The following SH3TC2 variants were observed in gnomAD, a reference collection of about 807,000 sequenced individuals.
SH3TC2 encodes SH3 domain and tetratricopeptide repeats 2, also known as SH3 domain and tetratricopeptide repeat-containing protein 2.
In SH3TC2, 87 loss-of-function variants were observed where a neutral mutation model predicts 124.5. The ratio of observed to expected loss-of-function variants is 0.70; its 90% CI spans 0.59 to 0.84. SH3TC2 has a LOEUF of 0.84. Among genes scored for constraint, SH3TC2 ranks in the 40% least tolerant of loss-of-function variants. The pLI, the probability that SH3TC2 is intolerant of heterozygous loss-of-function variation, is 0.00. For missense variants in SH3TC2, 1,536 were observed against 1,566.4 expected, an observed-to-expected ratio of 0.98 and a Z score of 0.33; for synonymous variants, 634 against 628.5, an observed-to-expected ratio of 1.01 and a Z score of -0.13.
intron 9 of SH3TC2, among the ~76,000 whole-genome samples, chr5:149,030,324 C>A (rs1444906021): frequency 1.3e-5 from 2 of 152,214 alleles, no homozygotes; most frequent in Non-Finnish European, 2.9e-5. Context: ...GCTGGGGCAG[C>A]CTGCACAACC....
In SH3TC2 at chr5:148,984,752, A is replaced by G. The variant is rs1753307393; in HGVS notation, c.*19959T>C. Among the ~76,000 whole-genome samples, 1 of 152,158 alleles carries G rather than the reference A, an allele frequency of 6.6e-6. No individual in the cohort carries two copies. The highest frequency in any genetic ancestry group is 1.5e-5 in the Non-Finnish European group (1 of 68,020). ...AAGAGCTGTGCTTGGTGCTGTAAACAAATTTGTTCCCAGTATCTGACCTAA... is the reference window on the plus strand; with the variant it reads ...AAGAGCTGTGCTTGGTGCTGTAAACGAATTTGTTCCCAGTATCTGACCTAA... On this transcript the variant is annotated 3_prime_UTR_variant, in exon 17 of 17. Transcript: ENST00000515425.
intron 13 of SH3TC2, among the ~76,000 whole-genome samples, chr5:149,011,450 G>T (rs921685643): frequency 1.3e-5 from 2 of 152,198 alleles, no homozygotes; most frequent in African/African-American, 4.8e-5. Context: ...CCCAAAAATC[G>T]CAAGGCAGAT....
At position 149,002,903 on chromosome 5, in the gene SH3TC2, C is replaced by T. The variant is rs1015163473; in HGVS notation, c.*1808G>A. On this transcript the variant is annotated 3_prime_UTR_variant, in exon 17 of 17. Coordinates refer to ENST00000515425, the MANE Select transcript of SH3TC2 (RefSeq NM_024577.4). ...ATGCACACTATCTGAGGGCTCTTGC[C>T]CTGCAGTGGTGCTTCCCATACTTTA... 1 of 152,666 alleles carries T rather than the reference C, an allele frequency of 6.6e-6. No individual in the cohort carries two copies. The highest frequency in any genetic ancestry group is 1.9e-4 in the East Asian group (1 of 5,190). The allele number at this position is 152,666 out of a possible 1,614,324, so 9.5% of individuals were successfully genotyped here.
At chr5:149,032,421 C>T (rs1431201292) in intron 8 of SH3TC2, among the ~76,000 whole-genome samples, 1 of 152,132 alleles carries the variant, frequency 6.6e-6, no homozygotes, top group East Asian at 1.9e-4. Context: ...CTAGAAGTGC[C>T]TTAGAAGCTA....
chr5:149,062,246 C>A, intron 1 of SH3TC2: 1 of 454,456 alleles, frequency 2.2e-6, no homozygotes, highest in Non-Finnish European at 4.5e-6. Context: ...CACCACTCAT[C>A]CTGATAAACA....
Position 149,010,281 on chromosome 5 carries a change from C to T in SH3TC2, c.3316G>A (p.Glu1106Lys), listed in dbSNP as rs372726642. The change falls in exon 14 of 17, where the codon GAG becomes AAG. Residue 1106 changes from glutamate (E) to lysine (K), a missense_variant. By Grantham distance (56) the Glu-to-Lys change is moderately conservative. Transcript: ENST00000515425. ...CAGCTTGGACTTACTCGGTAGTACT[C>T]CACTGCATGATGCCTGTGGCGGGTC... Reference protein sequence around the residue: ...NGTRHRHHAVEYYRAGAVPLA... With the variant: ...NGTRHRHHAVKYYRAGAVPLA... 6.2e-7 allele frequency: 1 copy of T among 1,614,224 alleles called. No homozygotes were observed.
intron 13 of SH3TC2, among the ~76,000 whole-genome samples, chr5:149,011,793 C>T (rs941114779): frequency 3.9e-5 from 6 of 151,928 alleles, no homozygotes; most frequent in Non-Finnish European, 5.9e-5. Flanking sequence ...AGAAAAAAAC[C>T]GGTATATTTT....
Position 149,012,722 on chromosome 5 carries a change from C to A in SH3TC2, c.3066G>T (p.Arg1022Ser). Reference protein sequence around the residue: ...RNLNTARSLRRSLTCIKESLR... With the variant: ...RNLNTARSLRSSLTCIKESLR... ...GGCTCTCCTTGATGCATGTGAGTGA[C>A]CTCCTGAGGGACCTGGGGACAGACA... The change falls in exon 13 of 17, where the codon AGG becomes AGT. Residue 1022 changes from arginine (R) to serine (S), a missense_variant. Arg to Ser is a moderately radical substitution (Grantham distance 110). Coordinates refer to ENST00000515425, the MANE Select transcript of SH3TC2 (RefSeq NM_024577.4). 1 of 1,614,138 alleles carries A rather than the reference C, an allele frequency of 6.2e-7. No homozygotes were observed. Among genetic ancestry groups the A allele is most frequent in the Non-Finnish European group, 8.5e-7 (1 of 1,180,026 alleles).
At chr5:149,046,872 G>A (rs1754472343) in intron 3 of SH3TC2, 1 of 152,068 alleles carries the variant, frequency 6.6e-6, no homozygotes, top group Non-Finnish European at 1.5e-5. Flanking sequence ...ACTGTTTATG[G>A]AACACATATC....
chr5:148,993,091 G>T lies in SH3TC2; in HGVS notation c.*11620C>A, dbSNP rs1223684909. Among the ~76,000 whole-genome samples, 10 of 152,094 alleles carry T rather than the reference G, an allele frequency of 6.6e-5. No homozygotes were observed. The highest frequency in any genetic ancestry group is 6.5e-4 in the Admixed American group (10 of 15,268). On this transcript the variant is annotated 3_prime_UTR_variant, in exon 17 of 17. Transcript: ENST00000515425. Reference sequence around the variant, plus strand: ...GGCCTCACTCCTGGCTTCCATAGACGCTTAAGGTGATTAGGCATTTGTCCC... The same window carrying T: ...GGCCTCACTCCTGGCTTCCATAGACTCTTAAGGTGATTAGGCATTTGTCCC...
chr5:149,013,665 G>T (rs985929388), intron 12 of SH3TC2, among the ~76,000 whole-genome samples: 1 of 152,090 alleles, frequency 6.6e-6, no homozygotes, highest in African/African-American at 2.4e-5. Flanking sequence ...TTAATTATTT[G>T]GAAAATTGTA....
rs71957589 is a variant in SH3TC2, at chr5:148,987,809, CTGTGTGTGTGTG to C, written c.*16890_*16901del. 1.7e-3 allele frequency among the ~76,000 whole-genome samples: 230 copies of C among 135,414 alleles called. No individual in the cohort carries two copies. Among genetic ancestry groups the C allele is most frequent in the African/African-American group, 5.6e-3 (201 of 36,198 alleles). 88.8% of individuals were successfully genotyped at this position (135,414 alleles called of 152,430 possible). On this transcript the variant is annotated 3_prime_UTR_variant, in exon 17 of 17. Transcript: ENST00000515425. ...CCTCACTCGAGGCCTCATTCAAAAT[CTGTGTGTGTGTG>C]TGTGTGTGTGTGTGTGTGTGTGTGT...
chr5:148,988,358 C>T lies in SH3TC2; in HGVS notation c.*16353G>A, dbSNP rs777791862. On this transcript the variant is annotated 3_prime_UTR_variant, in exon 17 of 17. Transcript: ENST00000515425. ...GAACCAGGCTTCCCAGTGCTCATGC[C>T]ATTGAGTAATCCCCTCCTATACCAG... Among the ~76,000 whole-genome samples the T allele has an allele frequency of 6.6e-6, 1 of 152,202 alleles. No individual in the cohort carries two copies. The highest frequency in any genetic ancestry group is 1.5e-5 in the Non-Finnish European group (1 of 68,038).
intron 13 of SH3TC2, among the ~76,000 whole-genome samples, chr5:149,012,017 A>T (rs1295032492): frequency 6.6e-6 from 1 of 152,170 alleles, no homozygotes; most frequent in Admixed American, 6.5e-5. Context: ...CCCCATGAAG[A>T]AACTGAATCC....
intron 2 of SH3TC2, among the ~76,000 whole-genome samples, chr5:149,050,612 C>T (rs759691928): frequency 2.0e-5 from 3 of 152,134 alleles, no homozygotes; most frequent in Non-Finnish European, 4.4e-5. Flanking sequence ...AGCTGACAGA[C>T]AGATAAGCAG....
intron 7 of SH3TC2, 27 bp downstream of exon 7, chr5:149,040,577 A>G (rs1277974568): frequency 5.0e-6 from 8 of 1,598,174 alleles, no homozygotes; most frequent in South Asian, 1.1e-5. Context: ...TCTCCCTAAC[A>G]ATACTATGTT....
chr5:149,047,341 G>A (rs1293122397), intron 3 of SH3TC2: 1 of 162,904 alleles, frequency 6.1e-6, no homozygotes, highest in Non-Finnish European at 1.4e-5. Context: ...GAGACATGGG[G>A]ATAATGGGAG....
At chr5:149,043,033 T>C (rs1189945229) in intron 4 of SH3TC2, among the ~76,000 whole-genome samples, 196 bp from the exon 5 acceptor site, 1 of 152,228 alleles carries the variant, frequency 6.6e-6, no homozygotes, top group African/African-American at 2.4e-5. Context: ...TCAACATCTA[T>C]TGGGAAATAC....
At chr5:149,019,312 G>C (rs539893503) in intron 12 of SH3TC2, among the ~76,000 whole-genome samples, 1 of 151,878 alleles carries the variant, frequency 6.6e-6, no homozygotes, top group Admixed American at 6.6e-5. Context: ...TTAATGTTCT[G>C]TAGGAGAAGG....
Sources: allele counts gnomAD v4.1 joint callset (sites outside exome capture counted in the v4.1 genomes callset), GRCh38; gene constraint gnomAD v4.1.1; transcripts MANE v1.5; gene names NCBI Gene and HGNC (gene_info 2026-07-23, HGNC 2026-07-21).